The following XRCC1 variants were observed in gnomAD, a reference collection of about 807,000 sequenced individuals.
XRCC1 encodes the protein DNA repair protein XRCC1.
In XRCC1, 52 loss-of-function variants were observed where a neutral mutation model predicts 83.3. That is an observed-to-expected ratio of 0.62 (90% CI 0.50 to 0.79). The LOEUF (loss-of-function observed/expected upper bound fraction) is 0.79, where lower values mean the gene tolerates loss of function less well. Ranked by LOEUF, XRCC1 falls within the 30% of genes least tolerant of loss-of-function variation. XRCC1 has a pLI of 0.00. For synonymous variants in XRCC1, 281 were observed against 312.6 expected, an observed-to-expected ratio of 0.90 and a Z score of 1.07; for missense variants, 793 against 823.5, an observed-to-expected ratio of 0.96 and a Z score of 0.45.
At chr19:43,547,961 C>T (rs1403140888) in intron 10 of XRCC1, among the ~76,000 whole-genome samples, 1 of 151,834 alleles carries the variant, frequency 6.6e-6, no homozygotes, top group Non-Finnish European at 1.5e-5. Flanking sequence ...ACACTATAAT[C>T]ATGGTTCCTT....
chr19:43,561,077 G>A, intron 2 of XRCC1, 57 bp from the exon 3 acceptor site: 1 of 1,365,932 alleles, frequency 7.3e-7, no homozygotes, highest in Non-Finnish European at 1.0e-6. Flanking sequence ...GGCTCACTGT[G>A]GGACCTCAGG....
At chr19:43,565,089 G>C (rs951447749) in intron 2 of XRCC1, among the ~76,000 whole-genome samples, 31 of 152,044 alleles carry the variant, frequency 2.0e-4, no homozygotes, top group African/African-American at 7.0e-4. Flanking sequence ...CCCTTATAAG[G>C]CCTCTGGGGG....
At chr19:43,554,917 G>C in intron 3 of XRCC1, 113 bp from the exon 4 acceptor site, 1 of 1,244,024 alleles carries the variant, frequency 8.0e-7, no homozygotes. Context: ...GGAGTCACTA[G>C]AATGTAGCTT....
intron 2 of XRCC1, among the ~76,000 whole-genome samples, chr19:43,573,577 T>C (rs1319390659): frequency 3.9e-5 from 6 of 152,044 alleles, no homozygotes; most frequent in Admixed American, 2.6e-4. Context: ...CTTATAGTCA[T>C]AAAGCAGCCC....
intron 9 of XRCC1, 29 bp from the exon 10 acceptor site, chr19:43,551,716 G>C (rs771881086): frequency 6.4e-6 from 10 of 1,571,626 alleles, no homozygotes; most frequent in South Asian, 1.1e-5. Context: ...GAAGATGCCA[G>C]TTAGGTGTGA....
At chr19:43,560,857 G>T in intron 3 of XRCC1, 53 bp downstream of exon 3, 3 of 1,458,970 alleles carry the variant, frequency 2.1e-6, no homozygotes, top group Non-Finnish European at 2.9e-6. Flanking sequence ...AGACGGTGAT[G>T]CGAGCATGAG....
Position 43,543,498 on chromosome 19 carries a change from A to G in XRCC1, c.1796T>C (p.Met599Thr). The G allele has an allele frequency of 6.2e-7, 1 of 1,613,870 alleles. No individual in the cohort carries two copies. The highest frequency in any genetic ancestry group is 8.5e-7 in the Non-Finnish European group (1 of 1,179,960). Reference sequence around the variant, plus strand: ...AACGAATGCCAGGGAGGGGTTGTCCATCAGGGCCTGCAGGGTGGGGTGGAG... The same window carrying G: ...AACGAATGCCAGGGAGGGGTTGTCCGTCAGGGCCTGCAGGGTGGGGTGGAG... ...EWDPSFEEAL[M>T]DNPSLAFVRP... is the part of the protein sequence containing the mutation. The change falls in exon 17 of 17, where the codon ATG (methionine) becomes ACG (threonine). Residue 599 changes from methionine (M) to threonine (T), a missense_variant. Physicochemically the swap from Met to Thr is moderately conservative, Grantham distance 81. Transcript: ENST00000262887.
At position 43,554,739 on chromosome 19, in the gene XRCC1, G is replaced by T. The variant is rs756091575; in HGVS notation, c.321C>A (p.Arg107=). 6.2e-7 allele frequency: 1 copy of T among 1,614,096 alleles called. No homozygotes were observed. The highest frequency in any genetic ancestry group is 8.5e-7 in the Non-Finnish European group (1 of 1,179,940). ...GCTTGTCAGGCCCAAACATGCGAAC[G>T]CGGTTGGGGTTTGAGCCACTGCGGC... ...SESRSGSNPN[R]VRMFGPDKLV... The change falls in exon 4 of 17, where the codon CGC becomes CGA. Residue 107 remains arginine (R), a synonymous_variant. Transcript: ENST00000262887.
rs573342093 is a variant in XRCC1 at position 43,565,885 on chromosome 19, G to A, written c.145-4865C>T. Among the ~76,000 whole-genome samples the A allele has an allele frequency of 2.6e-5, 4 of 151,838 alleles. No individual in the cohort carries two copies. In the South Asian group the frequency reaches 8.3e-4, roughly 32 times the overall value. ...ACCTGGGAGGTGGAGGTTGCAGTGA[G>A]TTGAGACGAGCCACTACACCCCAGC... On this transcript the variant is annotated intron_variant, in intron 2 of 16. Coordinates refer to ENST00000262887, the MANE Select transcript of XRCC1 (RefSeq NM_006297.3).
At chr19:43,547,554 C>T (rs1972525781) in intron 10 of XRCC1, among the ~76,000 whole-genome samples, 1 of 151,034 alleles carries the variant, frequency 6.6e-6, no homozygotes, top group Non-Finnish European at 1.5e-5. Flanking sequence ...GATCTTGGCT[C>T]ACTGCAACCT....
At chr19:43,564,584 T>G (rs1056102010) in intron 2 of XRCC1, among the ~76,000 whole-genome samples, 1 of 151,586 alleles carries the variant, frequency 6.6e-6, no homozygotes, top group Non-Finnish European at 1.5e-5. Flanking sequence ...AGGTAGGGAG[T>G]TCGAGACCAG....
chr19:43,543,478 A>C lies in XRCC1; in HGVS notation c.1816T>G (p.Phe606Val), dbSNP rs921238159. 1 of 1,613,732 alleles carries C rather than the reference A, an allele frequency of 6.2e-7. No individual in the cohort carries two copies. Among genetic ancestry groups the C allele is most frequent in the Middle Eastern group, 1.6e-4 (1 of 6,062 alleles). Residue 606 changes from phenylalanine (F) to valine (V), a missense_variant, in exon 17 of 17, where the codon TTC becomes GTC. Phe to Val is a conservative substitution (Grantham distance 50). Transcript: ENST00000262887. ...EALMDNPSLA[F>V]VRPRWIYSCN... is the part of the protein sequence containing the mutation. ...CTGTAGATCCATCGGGGACGAACGA[A>C]TGCCAGGGAGGGGTTGTCCATCAGG... is the stretch of plus-strand genomic sequence containing the variant.
At chr19:43,575,044 G>A in intron 1 of XRCC1, 42 bp from the exon 2 acceptor site, 1 of 1,506,482 alleles carries the variant, frequency 6.6e-7, no homozygotes, top group East Asian at 2.3e-5. Flanking sequence ...GCACAGAGAT[G>A]ACAGCTAGGC....
chr19:43,569,264 G>A (rs1437525499), intron 2 of XRCC1, among the ~76,000 whole-genome samples: 1 of 151,998 alleles, frequency 6.6e-6, no homozygotes, highest in African/African-American at 2.4e-5. Context: ...CTTGAGTCCA[G>A]GAGTTCAAGA....
chr19:43,551,717 T>A lies in XRCC1; in HGVS notation c.1083-30A>T, dbSNP rs760559264. 5 of 1,565,954 alleles carry A rather than the reference T, an allele frequency of 3.2e-6. No individual in the cohort carries two copies. In the East Asian group the frequency reaches 1.1e-4, roughly 35 times the overall value. ...TGGGGGGCAGAAGTGAAGATGCCAG[T>A]TAGGTGTGATCTGAGGGGCAAAGGG... On this transcript the variant is annotated intron_variant, in intron 9 of 16. Transcript: ENST00000262887.
Position 43,552,800 on chromosome 19 carries a change from T to G in XRCC1, c.820A>C (p.Lys274Gln), listed in dbSNP as rs748549218. 6.2e-7 allele frequency: 1 copy of G among 1,604,422 alleles called. No homozygotes were observed. Among genetic ancestry groups the G allele is most frequent in the East Asian group, 2.2e-5 (1 of 44,844 alleles). Residue 274 changes from lysine to glutamine, a missense_variant, in exon 8 of 17, where the codon AAA becomes CAA. Physicochemically the swap from Lys to Gln is moderately conservative, Grantham distance 53. Transcript: ENST00000262887. ...ACAAGGGATCTAGTTAGCTCACATT[T>G]AGGTCTCTTGGGAACAGATGGCGAC... is the stretch of plus-strand genomic sequence containing the variant. ...QLSPSVPKRP[K>Q]LPAPTRTPAT...
intron 2 of XRCC1, among the ~76,000 whole-genome samples, chr19:43,569,739 G>GC (rs1972789931): frequency 6.6e-6 from 1 of 151,914 alleles, no homozygotes; most frequent in South Asian, 2.1e-4. Context: ...CTGAGATTGT[G>GC]CCATTGCACT....
At chr19:43,567,938 G>A (rs1398151457) in intron 2 of XRCC1, among the ~76,000 whole-genome samples, 9 of 148,202 alleles carry the variant, frequency 6.1e-5, no homozygotes, top group Admixed American at 4.8e-4. Context: ...ACAGTGGCAC[G>A]ATCTCGGCTC....
chr19:43,562,616 T>C (rs1247687560), intron 2 of XRCC1, among the ~76,000 whole-genome samples: 4 of 152,086 alleles, frequency 2.6e-5, no homozygotes, highest in Non-Finnish European at 5.9e-5. Flanking sequence ...TGGTGGCACA[T>C]ACCTGTGGTC....
Sources: gnomAD v4.1 joint callset for allele counts (sites outside exome capture counted in the v4.1 genomes callset) on GRCh38, gnomAD v4.1.1 for gene constraint, MANE v1.5 for transcripts, NCBI Gene and HGNC (gene_info 2026-07-23, HGNC 2026-07-21) for gene names.